The following PDE11A variants were observed in gnomAD, a reference collection of about 807,000 sequenced individuals.
PDE11A encodes the protein phosphodiesterase 11A.
PDE11A carries 100 observed loss-of-function variants against 100.5 expected under a neutral mutation model. That is an observed-to-expected ratio of 1.00 (90% CI 0.85 to 1.18). The LOEUF (loss-of-function observed/expected upper bound fraction) is 1.18, where lower values mean the gene tolerates loss of function less well. Among genes scored for constraint, PDE11A ranks in the 50% most tolerant of loss-of-function variants. PDE11A has a pLI of 0.00. For synonymous variants in PDE11A, 381 were observed against 420.8 expected (o/e 0.91, Z 1.16); for missense variants, 1,141 against 1,152.6 (o/e 0.99, Z 0.15).
intron 19 of PDE11A, among the ~76,000 whole-genome samples, chr2:177,643,929 T>C (rs945381137): frequency 4.6e-5 from 7 of 152,244 alleles, no homozygotes; most frequent in Non-Finnish European, 2.9e-5. Flanking sequence ...TCATGTGGTA[T>C]TGAGCTTGCA....
In PDE11A at chr2:177,950,736, C is replaced by A. The variant is rs570235939; in HGVS notation, c.1072-45549G>T. ...ACCATCCTGGCTAACACGGTGAAAC[C>A]CCGTCTTTATTAAAAATACAAAACA... On this transcript the variant is annotated intron_variant, in intron 2 of 19. Transcript: ENST00000286063. Among the ~76,000 whole-genome samples the A allele has an allele frequency of 2.2e-4, 34 of 152,304 alleles. 1 individual carries two copies. Among genetic ancestry groups the A allele is most frequent in the Admixed American group, 2.2e-3 (34 of 15,304 alleles).
chr2:177,701,650 C>T (rs2081199426), intron 13 of PDE11A, among the ~76,000 whole-genome samples: 1 of 152,228 alleles, frequency 6.6e-6, no homozygotes, highest in African/African-American at 2.4e-5. Context: ...ATCAGGGAAG[C>T]TTCATGAACT....
At chr2:177,652,963 G>A (rs2080331817) in intron 19 of PDE11A, among the ~76,000 whole-genome samples, 1 of 152,100 alleles carries the variant, frequency 6.6e-6, no homozygotes, top group Non-Finnish European at 1.5e-5. Context: ...ATATTTAAAT[G>A]CAAGGCACTG....
intron 19 of PDE11A, among the ~76,000 whole-genome samples, chr2:177,648,588 TAAG>T (rs1409121519): frequency 6.7e-6 from 1 of 149,454 alleles, no homozygotes; most frequent in Non-Finnish European, 1.5e-5. Context: ...TGTGAAAAAA[TAAG>T]AATACCTAGA....
chr2:177,706,925 A>T (rs1414433325), intron 13 of PDE11A, among the ~76,000 whole-genome samples: 1 of 152,116 alleles, frequency 6.6e-6, no homozygotes, highest in Admixed American at 6.5e-5. Context: ...GGAAGTGTAA[A>T]ACATAGCTAG....
chr2:177,944,824 C>CTCCCTA (rs1407287584), intron 2 of PDE11A, among the ~76,000 whole-genome samples: 1 of 130,190 alleles, frequency 7.7e-6, no homozygotes, highest in Non-Finnish European at 1.8e-5. Context: ...CCCTCTCCCT[C>CTCCCTA]TCCCTCTCCC....
At chr2:177,922,177 T>C (rs906708990) in intron 2 of PDE11A, among the ~76,000 whole-genome samples, 1 of 152,098 alleles carries the variant, frequency 6.6e-6, no homozygotes, top group Non-Finnish European at 1.5e-5. Context: ...TAAATTGACC[T>C]CTGCATGCAT....
chr2:178,101,654 T>G (rs151019127), intron 2 of PDE11A, among the ~76,000 whole-genome samples: 2,085 of 152,314 alleles, frequency 0.014, 17 homozygotes, highest in Non-Finnish European at 0.022. Context: ...CAATTCATCT[T>G]ATTAACATAA....
At chr2:177,676,292 G>C (rs1559138371) in intron 16 of PDE11A, among the ~76,000 whole-genome samples, 1 of 152,176 alleles carries the variant, frequency 6.6e-6, no homozygotes, top group South Asian at 2.1e-4. Context: ...GAAAAATAAG[G>C]CACACTCTGT....
At chr2:178,062,284 C>G (rs1574376891) in intron 1 of PDE11A, among the ~76,000 whole-genome samples, 2 of 139,918 alleles carry the variant, frequency 1.4e-5, no homozygotes, top group African/African-American at 5.4e-5. Flanking sequence ...AGCCAATGAT[C>G]AAAGATGGGG....
intron 2 of PDE11A, among the ~76,000 whole-genome samples, chr2:177,907,584 T>G (rs925839816): frequency 6.6e-6 from 1 of 152,342 alleles, no homozygotes; most frequent in South Asian, 2.1e-4. Context: ...TCTTGGGAGA[T>G]AATTCTCTAT....
intron 3 of PDE11A, among the ~76,000 whole-genome samples, chr2:177,902,490 T>C (rs2084712892): frequency 6.6e-6 from 1 of 152,214 alleles, no homozygotes; most frequent in Non-Finnish European, 1.5e-5. Context: ...TTTTACACAG[T>C]TGAATAGGCC....
At chr2:177,734,329 A>G (rs529577721) in intron 10 of PDE11A, among the ~76,000 whole-genome samples, 53 of 152,230 alleles carry the variant, frequency 3.5e-4, no homozygotes, top group African/African-American at 1.2e-3. Flanking sequence ...CTTCTCGGGG[A>G]GCAAACAATG....
chr2:178,102,428 GTTTTTTTTTTT>G (rs769341186), intron 2 of PDE11A, among the ~76,000 whole-genome samples: 9 of 55,368 alleles, frequency 1.6e-4, no homozygotes, highest in South Asian at 7.3e-4. Flanking sequence ...CCTGGTCTAA[GTTTTTTTTTTT>G]TTTTTTTTTT....
At chr2:177,993,821 C>T (rs146622175) in intron 2 of PDE11A, among the ~76,000 whole-genome samples, 38 of 152,056 alleles carry the variant, frequency 2.5e-4, no homozygotes, top group Admixed American at 5.9e-4. Context: ...ACTGCAGTTA[C>T]CTCATCTATA....
intron 14 of PDE11A, 167 bp downstream of exon 14, chr2:177,700,954 C>A: frequency 1.5e-6 from 1 of 682,706 alleles, no homozygotes; most frequent in South Asian, 1.6e-5. Context: ...AGGTCCTGCT[C>A]AGGCATCTAT....
chr2:177,735,962 G>A (rs1023035980), intron 10 of PDE11A, among the ~76,000 whole-genome samples: 4 of 152,178 alleles, frequency 2.6e-5, no homozygotes, highest in Admixed American at 6.5e-5. Context: ...TGTTTGGGCC[G>A]TTTTCGTATG....
intron 6 of PDE11A, among the ~76,000 whole-genome samples, chr2:177,826,188 G>A (rs999402191): frequency 3.3e-5 from 5 of 152,148 alleles, no homozygotes; most frequent in Non-Finnish European, 7.3e-5. Flanking sequence ...ACTTAAAAAT[G>A]TTAACTAGTT....
At chr2:177,774,078 C>A (rs532224775) in intron 9 of PDE11A, among the ~76,000 whole-genome samples, 1 of 152,216 alleles carries the variant, frequency 6.6e-6, no homozygotes, top group East Asian at 1.9e-4. Context: ...CAGGGCACAG[C>A]GAGAACCCAG....
Sources: allele counts gnomAD v4.1 joint callset (sites outside exome capture counted in the v4.1 genomes callset), GRCh38; gene constraint gnomAD v4.1.1; transcripts MANE v1.5; gene names NCBI Gene and HGNC (gene_info 2026-07-23, HGNC 2026-07-21).